KMT2A: variants seen among roughly 807,000 people sequenced by gnomAD.
The protein encoded by KMT2A is histone-lysine N-methyltransferase 2A.
A neutral mutation model predicts 345.3 loss-of-function variants in KMT2A; 16 were observed. The observed-to-expected ratio is 0.05, with a 90% CI of 0.03 to 0.07. The LOEUF (loss-of-function observed/expected upper bound fraction) is 0.07. Among genes scored for constraint, KMT2A ranks in the 10% least tolerant of loss-of-function variants. KMT2A has a pLI of 1.00. For missense variants in KMT2A, 3,272 were observed against 4,841.6 expected (o/e 0.68, Z 9.62); for synonymous variants, 1,599 against 1,778.6 (o/e 0.90, Z 2.54).
chr11:118,460,276 T>A (rs1401060831), intron 1 of KMT2A, among the ~76,000 whole-genome samples: 1 of 152,164 alleles, frequency 6.6e-6, no homozygotes, highest in African/African-American at 2.4e-5. Flanking sequence ...CATACTAATA[T>A]AGAAGGAAGA....
At chr11:118,516,868 G>A (rs782013681) in intron 31 of KMT2A, among the ~76,000 whole-genome samples, 3 of 152,044 alleles carry the variant, frequency 2.0e-5, no homozygotes, top group Non-Finnish European at 4.4e-5. Context: ...AACAGACGGG[G>A]GCCCACACAT....
At chr11:118,489,769 T>A in intron 11 of KMT2A, 23 bp from the exon 12 acceptor site, 2 of 1,602,808 alleles carry the variant, frequency 1.2e-6, no homozygotes, top group Non-Finnish European at 1.7e-6. Context: ...TGCTTATCTT[T>A]TTGCCATTAT....
intron 3 of KMT2A, among the ~76,000 whole-genome samples, chr11:118,475,438 C>A (rs1950018982): frequency 6.6e-6 from 1 of 152,102 alleles, no homozygotes; most frequent in African/African-American, 2.4e-5. Flanking sequence ...TAATGTTATT[C>A]ACGGGCTGGG....
rs1555027545 is a variant in KMT2A at position 118,447,640 on chromosome 11, A to G, written c.432+10696A>G. On this transcript the variant is annotated intron_variant, in intron 1 of 35. Transcript: ENST00000534358. Reference sequence around the variant, plus strand: ...CCATTTCTAGGTTCCTCAACTTAAAAGGGATGAGGAGACCTTGGAGACGGT... The same window carrying G: ...CCATTTCTAGGTTCCTCAACTTAAAGGGGATGAGGAGACCTTGGAGACGGT... 5 of 453,014 alleles carry G rather than the reference A, an allele frequency of 1.1e-5. No homozygotes were observed. In the Admixed American group the frequency reaches 1.2e-4, roughly 11 times the overall value. The allele number at this position is 453,014 out of a possible 1,614,324, so 28.1% of individuals were successfully genotyped here. A position where few individuals can be genotyped will look rare whatever the true frequency, so the allele number is the denominator to read the frequency against.
At chr11:118,445,570 A>G (rs755723799) in intron 1 of KMT2A, among the ~76,000 whole-genome samples, 23 of 152,272 alleles carry the variant, frequency 1.5e-4, no homozygotes, top group African/African-American at 4.8e-4. Flanking sequence ...ACAGAGATCA[A>G]TGCAAGTAAC....
chr11:118,450,090 G>A (rs934884652), intron 1 of KMT2A: 16 of 152,130 alleles, frequency 1.1e-4, no homozygotes, highest in African/African-American at 3.6e-4. Flanking sequence ...TGATTGTGAT[G>A]CTTAACTTAA....
intron 6 of KMT2A, among the ~76,000 whole-genome samples, chr11:118,480,637 A>C (rs1950114277): frequency 6.6e-6 from 1 of 151,776 alleles, no homozygotes; most frequent in Non-Finnish European, 1.5e-5. Flanking sequence ...CTTATTTTTA[A>C]TTTTTGTGGA....
chr11:118,499,684 G>C, intron 23 of KMT2A, 151 bp from the exon 24 acceptor site: 1 of 654,202 alleles, frequency 1.5e-6, no homozygotes, highest in Admixed American at 2.6e-5. Context: ...GGAGGCTGAG[G>C]CACAGGAATC....
At position 118,496,012 on chromosome 11, in the gene KMT2A, T is replaced by C; in HGVS notation, c.5557+119T>C. 1 of 935,386 alleles carries C rather than the reference T, an allele frequency of 1.1e-6. No individual in the cohort carries two copies. The highest frequency in any genetic ancestry group is 1.6e-6 in the Non-Finnish European group (1 of 608,842). 57.9% of individuals were successfully genotyped at this position (935,386 alleles called of 1,614,324 possible). On this transcript the variant is annotated intron_variant, in intron 19 of 35. Coordinates refer to ENST00000534358, the MANE Select transcript of KMT2A (RefSeq NM_001197104.2). This position sits in a 1 kb window ranked among gnomAD's most constrained non-coding sequence, Gnocchi z 4.7. Reference sequence around the variant, plus strand: ...ATATCAGAAAGGAATTTTCAGGTCATCCTTAAATGTAATACCATCATTAAT... The same window carrying C: ...ATATCAGAAAGGAATTTTCAGGTCACCCTTAAATGTAATACCATCATTAAT...
intron 8 of KMT2A, among the ~76,000 whole-genome samples, chr11:118,483,255 G>A (rs1160183363): frequency 6.9e-6 from 1 of 145,700 alleles, no homozygotes; most frequent in African/African-American, 2.5e-5. Flanking sequence ...AAAAGTAGCC[G>A]GGCACGGTGG....
At chr11:118,441,144 G>A (rs1949304649) in intron 1 of KMT2A, among the ~76,000 whole-genome samples, 2 of 151,912 alleles carry the variant, frequency 1.3e-5, no homozygotes, top group South Asian at 4.1e-4. Context: ...TATTTCAAAA[G>A]TCAGAGTCAA....
In KMT2A at chr11:118,473,421, C is replaced by T. The variant is rs143985343; in HGVS notation, c.2262C>T (p.Ser754=). 6.2e-7 allele frequency: 1 copy of T among 1,614,086 alleles called. No homozygotes were observed. The highest frequency in any genetic ancestry group is 8.5e-7 in the Non-Finnish European group (1 of 1,180,044). ...CTGAACCAAGATCTCCTTCTCACTC[C>T]ATGAGGACAAGAAGTGGAAGGCTTA... ...IRSEPRSPSH[S]MRTRSGRLSS... Residue 754 remains serine (S), a synonymous_variant, in exon 3 of 36, where the codon TCC becomes TCT. Transcript: ENST00000534358. The surrounding 1 kb of genome is among the most constrained non-coding windows in gnomAD (Gnocchi z 5.2).
intron 1 of KMT2A, among the ~76,000 whole-genome samples, chr11:118,451,497 C>T (rs946105988): frequency 1.3e-5 from 2 of 152,152 alleles, no homozygotes; most frequent in South Asian, 4.1e-4. Context: ...AAGTGATTCT[C>T]GTGCCTCAGC....
chr11:118,507,961 T>A (rs1173020385), intron 28 of KMT2A, among the ~76,000 whole-genome samples: 1 of 152,126 alleles, frequency 6.6e-6, no homozygotes, highest in Non-Finnish European at 1.5e-5. Flanking sequence ...AGACTCCGTT[T>A]CCAAAAAAAA....
At chr11:118,439,825 G>A (rs1555139709) in intron 1 of KMT2A, among the ~76,000 whole-genome samples, 1 of 152,082 alleles carries the variant, frequency 6.6e-6, no homozygotes, top group East Asian at 1.9e-4. Flanking sequence ...CCATGGGTAA[G>A]CTTTTTATGT....
intron 1 of KMT2A, among the ~76,000 whole-genome samples, chr11:118,446,341 T>A (rs906189356): frequency 8.5e-5 from 13 of 152,286 alleles, no homozygotes; most frequent in Middle Eastern, 6.8e-3. Flanking sequence ...AGAGTGAGAC[T>A]GTGTCTCAAA....
rs1555043284 is a variant in KMT2A at position 118,494,116 on chromosome 11, G to A, written c.5179-172G>A. 1.3e-5 allele frequency among the ~76,000 whole-genome samples: 2 copies of A among 152,184 alleles called. No homozygotes were observed. The highest frequency in any genetic ancestry group is 4.8e-5 in the African/African-American group (2 of 41,426). On this transcript the variant is annotated intron_variant, in intron 16 of 35. Coordinates refer to ENST00000534358, the MANE Select transcript of KMT2A (RefSeq NM_001197104.2). This position sits in a 1 kb window ranked among gnomAD's most constrained non-coding sequence, Gnocchi z 5.8. ...AGCCTGGCATCTCTTAATTGCCACA[G>A]GTTAATCGTGAATTGAATCTCAAAG...
At chr11:118,437,811 TC>T (rs782607990) in intron 1 of KMT2A, among the ~76,000 whole-genome samples, 4 of 152,076 alleles carry the variant, frequency 2.6e-5, no homozygotes, top group Non-Finnish European at 5.9e-5. Flanking sequence ...TAGTCCACTG[TC>T]CCCTAGGCTT....
chr11:118,455,024 C>A (rs1292942340), intron 1 of KMT2A, among the ~76,000 whole-genome samples: 6 of 151,842 alleles, frequency 4.0e-5, no homozygotes, highest in Non-Finnish European at 8.8e-5. Context: ...TTCTTATTGT[C>A]CTAGTGTCTT....
Sources: gnomAD v4.1 joint callset for allele counts (sites outside exome capture counted in the v4.1 genomes callset) on GRCh38, gnomAD v4.1.1 for gene constraint, Gnocchi (gnomAD v3.1) non-coding constraint, MANE v1.5 for transcripts, NCBI Gene and HGNC (gene_info 2026-07-23, HGNC 2026-07-21) for gene names.